Variants in ARHGAP24 observed in about 807,000 individuals in gnomAD.
The protein encoded by ARHGAP24 is Rho GTPase activating protein 24, also known as rho GTPase-activating protein 24.
ARHGAP24 carries 50 observed loss-of-function variants against 76.4 expected under a neutral mutation model. The ratio of observed to expected loss-of-function variants is 0.65; its 90% CI spans 0.52 to 0.83. ARHGAP24 has a LOEUF of 0.83. ARHGAP24 is among the 40% of genes least tolerant of loss of function. ARHGAP24 has a pLI of 0.00. For synonymous variants in ARHGAP24, 345 were observed against 323.3 expected (o/e 1.07, Z -0.72); for missense variants, 930 against 914.2 (o/e 1.02, Z -0.22).
intron 2 of ARHGAP24, among the ~76,000 whole-genome samples, chr4:85,587,838 G>T (rs1727923237): frequency 6.6e-6 from 1 of 152,120 alleles, no homozygotes; most frequent in Admixed American, 6.5e-5. Context: ...ACAAGTCACT[G>T]CTCTTGTGAA....
At chr4:85,952,583 G>A (rs1232397960) in intron 5 of ARHGAP24, among the ~76,000 whole-genome samples, 1 of 152,212 alleles carries the variant, frequency 6.6e-6, no homozygotes, top group Non-Finnish European at 1.5e-5. Context: ...TGGAGTAGTT[G>A]TGAGTGCATG....
chr4:85,925,805 A>T (rs1185351477), intron 4 of ARHGAP24, among the ~76,000 whole-genome samples: 2 of 152,116 alleles, frequency 1.3e-5, no homozygotes, highest in African/African-American at 4.8e-5. Flanking sequence ...ACACATACTC[A>T]TCTGGTAATG....
chr4:85,808,848 A>C (rs1311045985), intron 3 of ARHGAP24, among the ~76,000 whole-genome samples: 1 of 152,106 alleles, frequency 6.6e-6, no homozygotes, highest in Non-Finnish European at 1.5e-5. Context: ...AACAGCAAAA[A>C]AAAAAGTTTT....
At chr4:85,479,468 A>G (rs1374572029) in intron 1 of ARHGAP24, among the ~76,000 whole-genome samples, 1 of 152,236 alleles carries the variant, frequency 6.6e-6, no homozygotes, top group East Asian at 1.9e-4. Context: ...CTAATAATGA[A>G]GTTAAATTTG....
At chr4:85,523,828 TA>T (rs11304208) in intron 1 of ARHGAP24, among the ~76,000 whole-genome samples, 19,602 of 145,824 alleles carry the variant, frequency 0.13, 3,366 homozygotes, top group African/African-American at 0.4. Context: ...GTTCCTTGGT[TA>T]AAAAAAAAAA....
chr4:85,959,651 G>A (rs1238298161), intron 5 of ARHGAP24, among the ~76,000 whole-genome samples: 1 of 152,138 alleles, frequency 6.6e-6, no homozygotes, highest in Non-Finnish European at 1.5e-5. Context: ...TTATCAATAA[G>A]ATTTCCGTGA....
At chr4:85,695,463 A>G (rs1442456015) in intron 2 of ARHGAP24, among the ~76,000 whole-genome samples, 1 of 152,220 alleles carries the variant, frequency 6.6e-6, no homozygotes, top group Non-Finnish European at 1.5e-5. Context: ...ATGCTCAATC[A>G]TATCATAGAT....
intron 3 of ARHGAP24, among the ~76,000 whole-genome samples, chr4:85,860,831 AT>A (rs1731850411): frequency 6.6e-6 from 1 of 151,956 alleles, no homozygotes; most frequent in Admixed American, 6.6e-5. Context: ...TTGTTTATTA[AT>A]ATTATTAAAT....
At chr4:85,971,903 C>A in intron 5 of ARHGAP24, 133 bp from the exon 6 acceptor site, 1 of 1,255,272 alleles carries the variant, frequency 8.0e-7, no homozygotes, top group Non-Finnish European at 1.1e-6. Context: ...TAAATGAGTG[C>A]TCTCTGAAAA....
chr4:85,753,259 TC>T (rs1726333804), intron 3 of ARHGAP24, among the ~76,000 whole-genome samples: 1 of 152,218 alleles, frequency 6.6e-6, no homozygotes, highest in South Asian at 2.1e-4. Flanking sequence ...TGTATTTTTT[TC>T]TTTTCTTCTA....
chr4:85,809,234 A>G (rs1350693235), intron 3 of ARHGAP24, among the ~76,000 whole-genome samples: 2 of 152,174 alleles, frequency 1.3e-5, no homozygotes, highest in Admixed American at 6.6e-5. Flanking sequence ...CAACATTCTT[A>G]ACATTTTGGG....
At chr4:85,861,477 T>C (rs945147526) in intron 3 of ARHGAP24, among the ~76,000 whole-genome samples, 3 of 152,128 alleles carry the variant, frequency 2.0e-5, no homozygotes, top group Non-Finnish European at 4.4e-5. Context: ...TTTGCCCTAA[T>C]GTCCTCCACT....
intron 8 of ARHGAP24, among the ~76,000 whole-genome samples, chr4:85,982,919 T>TA (rs1739758386): frequency 1.3e-5 from 2 of 152,082 alleles, no homozygotes; most frequent in Non-Finnish European, 2.9e-5. Flanking sequence ...ATGTTTTCCC[T>TA]TCCCCCCCTT....
intron 3 of ARHGAP24, among the ~76,000 whole-genome samples, chr4:85,897,864 G>A (rs959338176): frequency 6.6e-6 from 1 of 151,912 alleles, no homozygotes; most frequent in African/African-American, 2.4e-5. Flanking sequence ...CAAGCAAGGG[G>A]GGAGATAAAG....
At chr4:85,709,638 A>T (rs2110033417) in intron 2 of ARHGAP24, among the ~76,000 whole-genome samples, 1 of 152,244 alleles carries the variant, frequency 6.6e-6, no homozygotes, top group African/African-American at 2.4e-5. Flanking sequence ...CAGCACACAA[A>T]TAAATAAGGA....
chr4:85,925,002 TA>T (rs989765437), intron 4 of ARHGAP24, among the ~76,000 whole-genome samples: 8 of 152,146 alleles, frequency 5.3e-5, no homozygotes, highest in Non-Finnish European at 1.0e-4. Flanking sequence ...ACCTTATTCA[TA>T]ACCCAGAATG....
intron 9 of ARHGAP24, 39 bp from the exon 10 acceptor site, chr4:86,000,440 T>TGGGGGGGGGGGGGGGGGGGGGGGGGG: frequency 1.2e-6 from 1 of 861,206 alleles, no homozygotes; most frequent in East Asian, 3.7e-5. Flanking sequence ...CTCTTACTCT[T>TGGGGGGGGGGGGGGGGGGGGGGGGGG]GCGTCCCCAC....
chr4:85,975,585 T>A (rs1739271387), intron 7 of ARHGAP24: 1 of 152,836 alleles, frequency 6.5e-6, no homozygotes, highest in Admixed American at 6.5e-5. Flanking sequence ...TCTCAATGTA[T>A]AACTCAAGAC....
chr4:85,855,479 G>T (rs1731500203), intron 3 of ARHGAP24, among the ~76,000 whole-genome samples: 1 of 152,094 alleles, frequency 6.6e-6, no homozygotes. Flanking sequence ...GGCTGAGGTG[G>T]GTGGATCACC....
Sources: gnomAD v4.1 joint callset for allele counts (sites outside exome capture counted in the v4.1 genomes callset) on GRCh38, gnomAD v4.1.1 for gene constraint, MANE v1.5 for transcripts, NCBI Gene and HGNC (gene_info 2026-07-23, HGNC 2026-07-21) for gene names.